Variants in DENND2B observed in about 807,000 individuals in gnomAD.
DENND2B encodes DENN domain containing 2B, also known as DENN domain-containing protein 2B.
DENND2B carries 32 observed loss-of-function variants against 116.0 expected under a neutral mutation model. The ratio of observed to expected loss-of-function variants is 0.28; its 90% CI spans 0.21 to 0.37. The LOEUF is 0.37. DENND2B is among the 10% of genes least tolerant of loss of function. The pLI is 1.00. For missense variants in DENND2B, 1,276 were observed against 1,477.7 expected (o/e 0.86, Z 2.24); for synonymous variants, 588 against 583.9 (o/e 1.01, Z -0.10).
At chr11:8,887,213 A>C (rs761687054) in intron 1 of DENND2B, among the ~76,000 whole-genome samples, 6 of 152,210 alleles carry the variant, frequency 3.9e-5, no homozygotes, top group Non-Finnish European at 8.8e-5. Flanking sequence ...GCTTTCTTAC[A>C]TTTATATAGC....
intron 3 of DENND2B, among the ~76,000 whole-genome samples, chr11:8,850,137 A>G (rs1158157753): frequency 6.6e-6 from 1 of 152,224 alleles, no homozygotes; most frequent in Non-Finnish European, 1.5e-5. Flanking sequence ...CCAGTCACAC[A>G]CACACACACA....
chr11:8,798,188 T>C (rs933911027), intron 1 of DENND2B, among the ~76,000 whole-genome samples: 2 of 152,210 alleles, frequency 1.3e-5, no homozygotes, highest in African/African-American at 2.4e-5. Context: ...TCAAGCTCCA[T>C]GACAACAAGG....
chr11:8,764,061 TAA>T (rs1164818269), intron 1 of DENND2B, among the ~76,000 whole-genome samples: 1 of 151,966 alleles, frequency 6.6e-6, no homozygotes, highest in Non-Finnish European at 1.5e-5. Context: ...CCGTCTCTAC[TAA>T]AAATACAAAA....
At chr11:8,789,786 A>AT (rs1214486022) in intron 1 of DENND2B, among the ~76,000 whole-genome samples, 1 of 152,164 alleles carries the variant, frequency 6.6e-6, no homozygotes, top group African/African-American at 2.4e-5. Context: ...AAAAAATAAA[A>AT]AAATAAAAAA....
At chr11:8,754,094 A>G (rs2134070136) in intron 1 of DENND2B, among the ~76,000 whole-genome samples, 1 of 151,808 alleles carries the variant, frequency 6.6e-6, no homozygotes, top group South Asian at 2.1e-4. Context: ...GTCAAAGAAA[A>G]GAACTTTTGT....
At chr11:8,892,424 C>T (rs1256173731) in intron 1 of DENND2B, among the ~76,000 whole-genome samples, 1 of 151,960 alleles carries the variant, frequency 6.6e-6, no homozygotes, top group African/African-American at 2.4e-5. Context: ...GACAGAGACA[C>T]AAAAAAACCT....
In DENND2B at chr11:8,756,455, A is replaced by G. The variant is rs549952210; in HGVS notation, c.-25-5730T>C. 2.8e-4 allele frequency among the ~76,000 whole-genome samples: 43 copies of G among 152,366 alleles called. 1 individual carries two copies. The South Asian group carries it at 8.9e-3, about 32-fold the overall frequency. On this transcript the variant is annotated intron_variant, in intron 1 of 19. Transcript: ENST00000313726. ...CAGGGACCCTTAGTCACATTTCTCC[A>G]AGAGTGCAGCTGCCATTCTCAGAAG...
chr11:8,839,375 TACC>T (rs1016161120), intron 3 of DENND2B: 8 of 152,262 alleles, frequency 5.3e-5, no homozygotes, highest in African/African-American at 1.9e-4. Flanking sequence ...GAAAGGTTGT[TACC>T]ACCAAGTAAA....
At chr11:8,733,555 A>G (rs1349507586) in intron 2 of DENND2B, among the ~76,000 whole-genome samples, 4 of 152,172 alleles carry the variant, frequency 2.6e-5, no homozygotes, top group African/African-American at 9.7e-5. Flanking sequence ...GAGACTCACA[A>G]TCTCTTGGGA....
chr11:8,880,095 T>C (rs2063885983), intron 2 of DENND2B, among the ~76,000 whole-genome samples: 2 of 152,144 alleles, frequency 1.3e-5, no homozygotes, highest in Admixed American at 6.5e-5. Context: ...CTGGGGAACA[T>C]GGTTGACATA....
chr11:8,696,325 C>A, intron 18 of DENND2B, 102 bp downstream of exon 18: 1 of 1,519,486 alleles, frequency 6.6e-7, no homozygotes. Context: ...GTTAAGAGGC[C>A]TGGCCCTAGC....
intron 13 of DENND2B, among the ~76,000 whole-genome samples, chr11:8,704,703 T>C (rs966764525): frequency 1.3e-5 from 2 of 152,166 alleles, no homozygotes; most frequent in Non-Finnish European, 2.9e-5. Context: ...TATTTTGACA[T>C]ATGTATTTTT....
intron 1 of DENND2B, among the ~76,000 whole-genome samples, chr11:8,754,029 G>GTGCACACACACACACA (rs1555169750): frequency 1.4e-4 from 20 of 138,830 alleles, no homozygotes; most frequent in Non-Finnish European, 2.3e-4. Context: ...CCAAAAGCGC[G>GTGCACACACACACACA]CACACACACA....
At chr11:8,899,624 A>T (rs186561152) in intron 1 of DENND2B, among the ~76,000 whole-genome samples, 1 of 152,324 alleles carries the variant, frequency 6.6e-6, no homozygotes, top group Admixed American at 6.5e-5. Context: ...TTTAAATGTG[A>T]AGGTGAAATA....
At chr11:8,700,110 G>A in intron 14 of DENND2B, 1 of 417,580 alleles carries the variant, frequency 2.4e-6, no homozygotes, top group South Asian at 1.7e-5. Context: ...CTGAATTAGA[G>A]GGTAGAACCT....
rs958266662 is a variant in DENND2B at position 8,702,817 on chromosome 11, C to T, written c.2572-97G>A. 55 of 1,483,136 alleles carry T rather than the reference C, an allele frequency of 3.7e-5. 1 individual carries two copies. The highest frequency in any genetic ancestry group is 4.8e-5 in the Non-Finnish European group (53 of 1,096,602). 91.9% of individuals were successfully genotyped at this position (1,483,136 alleles called of 1,614,324 possible). ...AACTGGAGCTGCTTTCCCCTTCCAACCTGCTCTTTTCCAGGTCTCTCGTCT... is the reference window on the plus strand; with the variant it reads ...AACTGGAGCTGCTTTCCCCTTCCAATCTGCTCTTTTCCAGGTCTCTCGTCT... On this transcript the variant is annotated intron_variant, in intron 13 of 19. Transcript: ENST00000313726. This position sits in a 1 kb window ranked among gnomAD's most constrained non-coding sequence, Gnocchi z 4.6.
At chr11:8,801,301 T>C (rs1012340767) in intron 1 of DENND2B, among the ~76,000 whole-genome samples, 4 of 152,114 alleles carry the variant, frequency 2.6e-5, no homozygotes, top group African/African-American at 9.7e-5. Flanking sequence ...GCTCTGCTGA[T>C]ACCGTCTGCC....
chr11:8,878,477 C>T (rs2063868368), intron 2 of DENND2B, among the ~76,000 whole-genome samples: 1 of 151,864 alleles, frequency 6.6e-6, no homozygotes, highest in Non-Finnish European at 1.5e-5. Flanking sequence ...GCAACCTCCA[C>T]CTCCTGGGTT....
At chr11:8,843,381 C>G (rs2062694538) in intron 3 of DENND2B, among the ~76,000 whole-genome samples, 1 of 152,156 alleles carries the variant, frequency 6.6e-6, no homozygotes, top group African/African-American at 2.4e-5. Flanking sequence ...TAGGCTGCAG[C>G]ACTAAGCCCA....
Sources: allele counts gnomAD v4.1 joint callset (sites outside exome capture counted in the v4.1 genomes callset), GRCh38; gene constraint gnomAD v4.1.1; non-coding constraint Gnocchi (gnomAD v3.1); transcripts MANE v1.5; gene names NCBI Gene and HGNC (gene_info 2026-07-23, HGNC 2026-07-21).